RAB38: variants seen among roughly 807,000 people sequenced by gnomAD.
The protein encoded by RAB38 is ras-related protein Rab-38.
In RAB38, 15 loss-of-function variants were observed where a neutral mutation model predicts 18.4. That is an observed-to-expected ratio of 0.82 (90% CI 0.55 to 1.26). RAB38 has a LOEUF of 1.26. Among genes scored for constraint, RAB38 ranks in the 50% most tolerant of loss-of-function variants. The pLI, the probability that RAB38 is intolerant of heterozygous loss-of-function variation, is 0.00. For synonymous variants in RAB38, 101 were observed against 104.4 expected (o/e 0.97, Z 0.20); for missense variants, 294 against 267.4 (o/e 1.10, Z -0.69).
At chr11:87,852,495 T>C in the RAB38 span, among the ~76,000 whole-genome samples, 4 of 152,214 alleles carry the variant, frequency 2.6e-5, no homozygotes, top group Non-Finnish European at 5.9e-5. Context: ...AAGAAAATGG[T>C]GTTTGTTTCT....
the RAB38 span, chr11:88,050,024 C>A: frequency 6.6e-6 from 1 of 152,170 alleles, no homozygotes; most frequent in South Asian, 2.1e-4. Flanking sequence ...CAAAACAGTT[C>A]TGGGTCCAGC....
chr11:88,173,739 C>G, intron 1 of RAB38: 6 of 985,404 alleles, frequency 6.1e-6, no homozygotes, highest in Non-Finnish European at 7.2e-6. Flanking sequence ...AAAGCCCCAT[C>G]CAACAGTGGC....
the RAB38 span, among the ~76,000 whole-genome samples, chr11:88,068,107 TG>T: frequency 6.6e-6 from 1 of 151,674 alleles, no homozygotes; most frequent in Non-Finnish European, 1.5e-5. Flanking sequence ...AAAGACCTAC[TG>T]AAATCTCAGT....
chr11:88,119,735 T>G (rs1419365250), intron 2 of RAB38, among the ~76,000 whole-genome samples: 1 of 151,494 alleles, frequency 6.6e-6, no homozygotes, highest in Non-Finnish European at 1.5e-5. Context: ...GGCAAAGAAT[T>G]CATCCTCCCA....
At chr11:87,971,575 C>G in the RAB38 span, among the ~76,000 whole-genome samples, 3 of 152,026 alleles carry the variant, frequency 2.0e-5, no homozygotes, top group African/African-American at 2.4e-5. Flanking sequence ...GACCTGGTAA[C>G]AGGGATACAA....
the RAB38 span, among the ~76,000 whole-genome samples, chr11:87,877,661 C>T: frequency 1.8e-4 from 28 of 151,522 alleles, no homozygotes; most frequent in African/African-American, 6.5e-4. Context: ...TCCATAGTTA[C>T]GCCCACCTTA....
the RAB38 span, among the ~76,000 whole-genome samples, chr11:88,102,297 G>C: frequency 6.6e-6 from 1 of 151,942 alleles, no homozygotes; most frequent in Non-Finnish European, 1.5e-5. Flanking sequence ...GTCCACTGTT[G>C]GTAGGGCAAC....
the RAB38 span, among the ~76,000 whole-genome samples, chr11:87,830,587 C>T: frequency 6.6e-6 from 1 of 151,872 alleles, no homozygotes; most frequent in African/African-American, 2.4e-5. Flanking sequence ...ATTTTATTTC[C>T]CACAACAACC....
At chr11:87,834,695 A>C in the RAB38 span, among the ~76,000 whole-genome samples, 1 of 152,202 alleles carries the variant, frequency 6.6e-6, no homozygotes, top group African/African-American at 2.4e-5. Context: ...CCTGGTAGTC[A>C]GATAATATCA....
chr11:88,175,196 G>C lies in RAB38; in HGVS notation c.189C>G (p.Leu63=), dbSNP rs1450196936. The part of the protein sequence containing the change: ...WDPETVVRLQ[L]WDIAGQERFG... ...CCCCGCGCTCACCTGCGATATCCCA[G>C]AGCTGCAGGCGCACCACAGTCTCCG... is the stretch of plus-strand genomic sequence containing the variant. The change falls in exon 1 of 3, where the codon CTC becomes CTG. Residue 63 remains leucine (L), a synonymous_variant. Transcript: ENST00000243662. 4 of 1,610,380 alleles carry C rather than the reference G, an allele frequency of 2.5e-6. No homozygotes were observed. The highest frequency in any genetic ancestry group is 2.2e-5 in the East Asian group (1 of 44,814).
chr11:87,857,131 G>C, the RAB38 span, among the ~76,000 whole-genome samples: 2 of 151,366 alleles, frequency 1.3e-5, no homozygotes, highest in Non-Finnish European at 2.9e-5. Flanking sequence ...TTTTGTCCTT[G>C]TGATAGTTTG....
intron 2 of RAB38, among the ~76,000 whole-genome samples, chr11:88,119,240 C>T (rs1942598910): frequency 6.6e-6 from 1 of 152,054 alleles, no homozygotes; most frequent in Non-Finnish European, 1.5e-5. Context: ...AAAAAAAATT[C>T]CCAGTTAGGC....
At chr11:87,908,386 A>G in the RAB38 span, among the ~76,000 whole-genome samples, 2 of 151,958 alleles carry the variant, frequency 1.3e-5, no homozygotes, top group Non-Finnish European at 1.5e-5. Context: ...ACCACATTTC[A>G]CTTTCTCTTA....
the RAB38 span, among the ~76,000 whole-genome samples, chr11:87,926,848 A>G: frequency 6.9e-4 from 105 of 152,118 alleles, no homozygotes; most frequent in African/African-American, 2.4e-3. Context: ...TCCTTTGCAC[A>G]ACGTCACCCA....
the RAB38 span, among the ~76,000 whole-genome samples, chr11:87,951,696 A>T: frequency 6.6e-6 from 1 of 152,142 alleles, no homozygotes; most frequent in African/African-American, 2.4e-5. Flanking sequence ...TCAGCAGCGG[A>T]GGCTGCAGAA....
At chr11:88,061,680 A>T in the RAB38 span, 1 of 151,852 alleles carries the variant, frequency 6.6e-6, no homozygotes, top group African/African-American at 2.4e-5. Context: ...TTTCCACAGG[A>T]CCTAGAGAAG....
At chr11:88,023,565 A>T in the RAB38 span, among the ~76,000 whole-genome samples, 2 of 152,132 alleles carry the variant, frequency 1.3e-5, no homozygotes, top group African/African-American at 4.8e-5. Context: ...ATTTCTATAG[A>T]ATCACAAAAG....
the RAB38 span, among the ~76,000 whole-genome samples, chr11:87,947,308 G>A: frequency 2.0e-5 from 3 of 151,962 alleles, no homozygotes; most frequent in Non-Finnish European, 2.9e-5. Flanking sequence ...AGATGAGTAG[G>A]TTGCAAAAAT....
At chr11:88,099,794 T>C in the RAB38 span, among the ~76,000 whole-genome samples, 3 of 151,830 alleles carry the variant, frequency 2.0e-5, no homozygotes, top group Non-Finnish European at 4.4e-5. Context: ...TCTTAGTACA[T>C]AGGGTCAAGG....
Sources: gnomAD v4.1 joint callset for allele counts (sites outside exome capture counted in the v4.1 genomes callset) on GRCh38, gnomAD v4.1.1 for gene constraint, MANE v1.5 for transcripts, NCBI Gene and HGNC (gene_info 2026-07-23, HGNC 2026-07-21) for gene names.